WLS: variants seen among roughly 807,000 people sequenced by gnomAD.
WLS encodes the protein Wnt ligand secretion mediator.
A neutral mutation model predicts 62.8 loss-of-function variants in WLS; 23 were observed. That is an observed-to-expected ratio of 0.37 (90% CI 0.26 to 0.52). WLS has a LOEUF of 0.52. Among genes scored for constraint, WLS ranks in the 20% least tolerant of loss-of-function variants. The probability of loss-of-function intolerance (pLI) is 0.92; values close to 1 mark genes in which losing one functional copy is unlikely to be tolerated. For missense variants in WLS, 615 were observed against 697.3 expected, an observed-to-expected ratio of 0.88 and a Z score of 1.33; for synonymous variants, 246 against 244.1, an observed-to-expected ratio of 1.01 and a Z score of -0.07.
chr1:68,191,205 G>T (rs1365230427), intron 2 of WLS, among the ~76,000 whole-genome samples: 1 of 152,034 alleles, frequency 6.6e-6, no homozygotes, highest in Non-Finnish European at 1.5e-5. Context: ...CTAGAAGTAG[G>T]GATCTGTCTA....
chr1:68,169,220 A>G (rs1476065988), intron 2 of WLS, among the ~76,000 whole-genome samples: 1 of 152,236 alleles, frequency 6.6e-6, no homozygotes, highest in Non-Finnish European at 1.5e-5. Context: ...CATGACAAGG[A>G]CAAGGGAGAA....
At chr1:68,185,661 C>T (rs1228172475) in intron 2 of WLS, among the ~76,000 whole-genome samples, 6 of 152,244 alleles carry the variant, frequency 3.9e-5, no homozygotes, top group African/African-American at 1.4e-4. Context: ...CCCAAACCAT[C>T]CCCCATCCCC....
chr1:68,170,160 CTTTTTTTTTT>C (rs571306573), intron 2 of WLS, among the ~76,000 whole-genome samples: 2 of 86,752 alleles, frequency 2.3e-5, no homozygotes, highest in African/African-American at 4.3e-5. Context: ...GCTACTATTT[CTTTTTTTTTT>C]TTTTTTTTTT....
chr1:68,221,469 G>T (rs943804937), intron 1 of WLS, among the ~76,000 whole-genome samples: 2 of 152,140 alleles, frequency 1.3e-5, no homozygotes, highest in Non-Finnish European at 2.9e-5. Flanking sequence ...TAAAAGCCTG[G>T]TTCACACAAG....
chr1:68,193,398 T>TAA (rs904327955), intron 2 of WLS, among the ~76,000 whole-genome samples: 2 of 15,438 alleles, frequency 1.3e-4, no homozygotes, highest in African/African-American at 3.0e-4. Context: ...GCAAATAAGC[T>TAA]AAAAAAAAAA....
At chr1:68,159,869 A>G (rs907997776) in intron 2 of WLS, among the ~76,000 whole-genome samples, 3 of 152,198 alleles carry the variant, frequency 2.0e-5, no homozygotes, top group Non-Finnish European at 4.4e-5. Context: ...GTGTTTTTCC[A>G]AAATTAAAGA....
chr1:68,155,309 C>T (rs1386969857), intron 3 of WLS, 49 bp from the exon 4 acceptor site: 2 of 1,569,410 alleles, frequency 1.3e-6, no homozygotes, highest in South Asian at 1.2e-5. Flanking sequence ...TTCCAATAGA[C>T]TGGCTCTGAA....
chr1:68,161,793 T>G, intron 2 of WLS: 1 of 1,601,724 alleles, frequency 6.2e-7, no homozygotes, highest in Non-Finnish European at 8.5e-7. Context: ...CCCCGTGTTT[T>G]GTGGGCTGGT....
intron 11 of WLS, among the ~76,000 whole-genome samples, chr1:68,133,578 G>T (rs72670405): frequency 0.03 from 4,565 of 152,246 alleles, 88 homozygotes; most frequent in Non-Finnish European, 0.045. Context: ...GTACTGAGGT[G>T]CTCCGTGGTT....
chr1:68,159,042 C>G, intron 3 of WLS, 81 bp downstream of exon 3: 1 of 1,572,194 alleles, frequency 6.4e-7, no homozygotes. Flanking sequence ...AGAAGGGACA[C>G]ACCTATGAAA....
intron 2 of WLS, chr1:68,161,691 C>A: frequency 1.7e-6 from 2 of 1,182,506 alleles, no homozygotes; most frequent in South Asian, 2.7e-5. Context: ...TCTCTTAGTT[C>A]ATCATTTTTC....
intron 10 of WLS, among the ~76,000 whole-genome samples, chr1:68,141,218 A>G (rs917616869): frequency 6.6e-6 from 1 of 152,130 alleles, no homozygotes; most frequent in Admixed American, 6.6e-5. Context: ...TACCGGAAAC[A>G]TTTCCTCTGT....
chr1:68,174,476 A>G (rs1647201714), intron 2 of WLS, among the ~76,000 whole-genome samples: 1 of 152,128 alleles, frequency 6.6e-6, no homozygotes, highest in African/African-American at 2.4e-5. Context: ...GGTTCCAGAT[A>G]ATGGACAGAT....
chr1:68,130,695 T>C (rs1025259952), intron 11 of WLS, among the ~76,000 whole-genome samples: 4 of 152,156 alleles, frequency 2.6e-5, no homozygotes. Flanking sequence ...TTTTTGGTGT[T>C]AATATGATTG....
chr1:68,135,075 AG>A (rs1646586550), intron 11 of WLS, among the ~76,000 whole-genome samples: 1 of 152,220 alleles, frequency 6.6e-6, no homozygotes, highest in South Asian at 2.1e-4. Flanking sequence ...CTTAGTGGCA[AG>A]AAGTGTTCTT....
intron 2 of WLS, chr1:68,162,319 A>T: frequency 1.7e-5 from 27 of 1,613,602 alleles, no homozygotes; most frequent in Non-Finnish European, 2.3e-5. Context: ...CATCTGCTTT[A>T]TGGTAAAGTC....
chr1:68,158,212 T>C lies in WLS; in HGVS notation c.504+911A>G, dbSNP rs78131968. Among the ~76,000 whole-genome samples the C allele has an allele frequency of 2.5e-3, 375 of 152,328 alleles. 10 individuals are homozygous for C. The East Asian group carries it at 0.061, about 25-fold the overall frequency. ...GACTTAATAGGTTCTGGGTGTGCCC[T>C]GGGAATCTGCCTTTCCTAAAACCTC... On this transcript the variant is annotated intron_variant, in intron 3 of 11. Transcript: ENST00000262348.
Position 68,125,620 on chromosome 1 carries a change from G to A in WLS, c.*606C>T. The A allele has an allele frequency of 1.0e-6, 1 of 985,480 alleles. No homozygotes were observed. Among genetic ancestry groups the A allele is most frequent in the South Asian group, 4.7e-5 (1 of 21,282 alleles). The allele number at this position is 985,480 out of a possible 1,614,324, so 61.0% of individuals were successfully genotyped here. A position where few individuals can be genotyped will look rare whatever the true frequency, so the allele number is the denominator to read the frequency against. Reference sequence around the variant, plus strand: ...TTAGATACACAGATTTGGTTTCAAAGCTGAAATACCCCTGGTGGAATAAAT... The same window carrying A: ...TTAGATACACAGATTTGGTTTCAAAACTGAAATACCCCTGGTGGAATAAAT... On this transcript the variant is annotated 3_prime_UTR_variant, in exon 12 of 12. Coordinates refer to ENST00000262348, the MANE Select transcript of WLS (RefSeq NM_024911.7).
chr1:68,224,369 C>A (rs1370335196), intron 1 of WLS, among the ~76,000 whole-genome samples: 3 of 152,100 alleles, frequency 2.0e-5, no homozygotes, highest in African/African-American at 7.2e-5. Flanking sequence ...ATTTCCAGAG[C>A]CCTTCATTTC....
Sources: gnomAD v4.1 joint callset for allele counts (sites outside exome capture counted in the v4.1 genomes callset) on GRCh38, gnomAD v4.1.1 for gene constraint, MANE v1.5 for transcripts, NCBI Gene and HGNC (gene_info 2026-07-23, HGNC 2026-07-21) for gene names.